The following KHDRBS2 variants were observed in gnomAD, a reference collection of about 807,000 sequenced individuals.
The protein encoded by KHDRBS2 is KH RNA binding domain containing, signal transduction associated 2.
In KHDRBS2, 26 loss-of-function variants were observed where a neutral mutation model predicts 44.3. The observed-to-expected ratio is 0.59, with a 90% confidence interval of 0.43 to 0.81. The LOEUF is 0.81. Among genes scored for constraint, KHDRBS2 ranks in the 40% least tolerant of loss-of-function variants. The probability of loss-of-function intolerance (pLI) is 0.00; values close to 1 mark genes in which losing one functional copy is unlikely to be tolerated. For synonymous variants in KHDRBS2, 194 were observed against 151.1 expected, an observed-to-expected ratio of 1.28 and a Z score of -2.08; for missense variants, 476 against 433.1, an observed-to-expected ratio of 1.10 and a Z score of -0.88.
intron 1 of KHDRBS2, among the ~76,000 whole-genome samples, chr6:62,270,596 T>A (rs1327907315): frequency 1.3e-5 from 2 of 151,990 alleles, no homozygotes; most frequent in Admixed American, 1.3e-4. Flanking sequence ...GATAGAAATG[T>A]TCTCTACTTT....
intron 6 of KHDRBS2, among the ~76,000 whole-genome samples, chr6:61,834,247 T>A (rs542041675): frequency 6.6e-6 from 1 of 152,128 alleles, no homozygotes; most frequent in South Asian, 2.1e-4. Flanking sequence ...AGGTGCCAAA[T>A]GAATACTTGG....
intron 1 of KHDRBS2, among the ~76,000 whole-genome samples, chr6:62,197,113 T>C (rs1336560781): frequency 6.6e-6 from 1 of 152,160 alleles, no homozygotes; most frequent in Non-Finnish European, 1.5e-5. Context: ...CTTTAAATCT[T>C]CTGGAAAAAT....
intron 7 of KHDRBS2, among the ~76,000 whole-genome samples, chr6:61,722,855 G>T (rs973447334): frequency 6.6e-6 from 1 of 151,734 alleles, no homozygotes; most frequent in South Asian, 2.1e-4. Flanking sequence ...GACTACAAGC[G>T]CCCACCACCA....
intron 8 of KHDRBS2, among the ~76,000 whole-genome samples, chr6:61,692,337 C>G (rs1279694752): frequency 6.6e-6 from 1 of 151,328 alleles, no homozygotes; most frequent in African/African-American, 2.4e-5. Context: ...TAATAGTAAC[C>G]AATTGAAAAT....
intron 6 of KHDRBS2, among the ~76,000 whole-genome samples, chr6:61,747,539 A>T (rs1777048366): frequency 6.6e-6 from 1 of 152,184 alleles, no homozygotes; most frequent in African/African-American, 2.4e-5. Context: ...TATTTCACAC[A>T]ACTATCACTT....
intron 8 of KHDRBS2, among the ~76,000 whole-genome samples, chr6:61,693,827 A>C (rs1291635728): frequency 6.6e-6 from 1 of 152,168 alleles, no homozygotes; most frequent in East Asian, 1.9e-4. Context: ...GTACAATATA[A>C]GACTCGGGAT....
At chr6:61,939,878 A>G (rs1811804915) in intron 4 of KHDRBS2, among the ~76,000 whole-genome samples, 1 of 152,220 alleles carries the variant, frequency 6.6e-6, no homozygotes, top group Non-Finnish European at 1.5e-5. Flanking sequence ...AAGTATTCTA[A>G]TACTTTTCCT....
intron 6 of KHDRBS2, among the ~76,000 whole-genome samples, chr6:61,857,310 A>G (rs1158940947): frequency 6.6e-6 from 1 of 152,072 alleles, no homozygotes; most frequent in East Asian, 1.9e-4. Context: ...AGGATGATTA[A>G]ACATCTCTCT....
the KHDRBS2 span, among the ~76,000 whole-genome samples, chr6:61,622,279 T>C: frequency 6.6e-6 from 1 of 152,208 alleles, no homozygotes; most frequent in Admixed American, 6.5e-5. Flanking sequence ...AGTTCTCTCC[T>C]CTGTAAGGCA....
chr6:61,930,352 C>T (rs1809774637), intron 4 of KHDRBS2, among the ~76,000 whole-genome samples: 4 of 151,706 alleles, frequency 2.6e-5, no homozygotes, highest in Non-Finnish European at 4.4e-5. Flanking sequence ...TTATGACTTA[C>T]GATTTCTATT....
intron 1 of KHDRBS2, among the ~76,000 whole-genome samples, chr6:62,270,689 T>C (rs1839949243): frequency 6.6e-6 from 1 of 152,106 alleles, no homozygotes; most frequent in African/African-American, 2.4e-5. Context: ...TCACTGTTGA[T>C]ATATTTTACC....
chr6:62,160,152 C>G (rs1817323236), intron 2 of KHDRBS2, among the ~76,000 whole-genome samples: 1 of 151,990 alleles, frequency 6.6e-6, no homozygotes, highest in South Asian at 2.1e-4. Flanking sequence ...CATAATATAA[C>G]AAACAAACAA....
chr6:61,612,885 C>T, the KHDRBS2 span, among the ~76,000 whole-genome samples: 1 of 116,584 alleles, frequency 8.6e-6, no homozygotes, highest in Non-Finnish European at 1.6e-5. Context: ...CGGAGTCTTG[C>T]TCTGTCGCCC....
At chr6:61,868,085 A>G (rs1583246701) in intron 6 of KHDRBS2, among the ~76,000 whole-genome samples, 1 of 151,790 alleles carries the variant, frequency 6.6e-6, no homozygotes, top group Non-Finnish European at 1.5e-5. Flanking sequence ...GTGGCAGCCC[A>G]CCCCGACCCC....
the KHDRBS2 span, among the ~76,000 whole-genome samples, chr6:61,558,795 C>G: frequency 6.6e-6 from 1 of 152,110 alleles, no homozygotes; most frequent in South Asian, 2.1e-4. Context: ...GACAGAATTT[C>G]ATTATTTTTG....
the KHDRBS2 span, among the ~76,000 whole-genome samples, chr6:61,613,647 A>AC: frequency 0.62 from 93,529 of 151,888 alleles, 29,015 homozygotes; most frequent in Non-Finnish European, 0.65. Context: ...ACTCTCAGTG[A>AC]TTTTTTAGTG....
At chr6:62,039,846 T>C (rs918206126) in intron 3 of KHDRBS2, among the ~76,000 whole-genome samples, 2 of 152,110 alleles carry the variant, frequency 1.3e-5, no homozygotes, top group Non-Finnish European at 2.9e-5. Context: ...CTAGCATCCC[T>C]AGTAAAATGC....
At chr6:62,194,434 T>C (rs1358636734) in intron 1 of KHDRBS2, among the ~76,000 whole-genome samples, 6 of 150,312 alleles carry the variant, frequency 4.0e-5, no homozygotes, top group African/African-American at 1.5e-4. Context: ...GATCTACATG[T>C]CTGTCCTTAT....
At chr6:62,101,819 C>G (rs1371687977) in intron 2 of KHDRBS2, among the ~76,000 whole-genome samples, 2 of 152,160 alleles carry the variant, frequency 1.3e-5, no homozygotes, top group Non-Finnish European at 2.9e-5. Context: ...AATGCAAATA[C>G]CACATGACTT....
Sources: allele counts gnomAD v4.1 joint callset (sites outside exome capture counted in the v4.1 genomes callset), GRCh38; gene constraint gnomAD v4.1.1; transcripts MANE v1.5; gene names NCBI Gene and HGNC (gene_info 2026-07-23, HGNC 2026-07-21).